The following ADCY1 variants were observed in gnomAD, a reference collection of about 807,000 sequenced individuals.
ADCY1 encodes the protein adenylate cyclase 1.
Under a neutral mutation model 105.4 loss-of-function variants are expected in ADCY1, and 28 were observed. That is an observed-to-expected ratio of 0.27 (90% CI 0.20 to 0.36). The LOEUF (loss-of-function observed/expected upper bound fraction) is 0.36. Ranked by LOEUF, ADCY1 falls within the 10% of genes least tolerant of loss-of-function variation. ADCY1 has a pLI of 1.00. For missense variants in ADCY1, 977 were observed against 1,434.2 expected (o/e 0.68, Z 5.15); for synonymous variants, 655 against 623.8 (o/e 1.05, Z -0.75).
chr7:45,661,725 C>T (rs1172117898), intron 7 of ADCY1, among the ~76,000 whole-genome samples: 1 of 152,194 alleles, frequency 6.6e-6, no homozygotes, highest in African/African-American at 2.4e-5. Flanking sequence ...AACGGGGTAA[C>T]AAAGACCTTC....
chr7:45,597,841 A>G (rs930615162), intron 2 of ADCY1, among the ~76,000 whole-genome samples: 1 of 152,202 alleles, frequency 6.6e-6, no homozygotes, highest in Admixed American at 6.5e-5. Flanking sequence ...TCATTGCACT[A>G]CTTCCTGTCT....
intron 14 of ADCY1, among the ~76,000 whole-genome samples, chr7:45,695,000 G>T (rs1784852734): frequency 6.6e-6 from 1 of 152,202 alleles, no homozygotes; most frequent in Non-Finnish European, 1.5e-5. Context: ...GTCCTCTCTG[G>T]TATTTTCCCT....
At chr7:45,707,084 A>T (rs997352417) in intron 17 of ADCY1, among the ~76,000 whole-genome samples, 1 of 152,224 alleles carries the variant, frequency 6.6e-6, no homozygotes, top group Non-Finnish European at 1.5e-5. Context: ...GGAGCAACAG[A>T]AACTCTCCTT....
Position 45,664,456 on chromosome 7 carries a change from TC to T in ADCY1, c.1605+2243del. On this transcript the variant is annotated intron_variant, in intron 8 of 19. Transcript: ENST00000297323. ...CATCAGCCCTTATCCCCCAGGGCAT[TC>T]ACGCCAGCTCTGTTCTTCTCTCAGC... 2.0e-6 allele frequency: 3 copies of T among 1,525,310 alleles called. No individual in the cohort carries two copies. The Middle Eastern group carries it at 5.9e-4, about 300-fold the overall frequency. 94.5% of individuals were successfully genotyped at this position (1,525,310 alleles called of 1,614,324 possible).
intron 1 of ADCY1, among the ~76,000 whole-genome samples, chr7:45,587,524 T>C (rs1792767448): frequency 6.6e-6 from 1 of 152,112 alleles, no homozygotes; most frequent in African/African-American, 2.4e-5. Context: ...GTCAGAGGAC[T>C]TGCAGGTTTG....
At chr7:45,648,323 A>C (rs1794719057) in intron 4 of ADCY1, among the ~76,000 whole-genome samples, 1 of 152,204 alleles carries the variant, frequency 6.6e-6, no homozygotes, top group South Asian at 2.1e-4. Flanking sequence ...GAATAAAGGG[A>C]GTTGGGGAAG....
intron 8 of ADCY1, chr7:45,664,502 C>A: frequency 7.1e-7 from 1 of 1,403,584 alleles, no homozygotes; most frequent in South Asian, 1.7e-5. Flanking sequence ...TGATCGTAAA[C>A]ATAATTGATT....
rs1362054547 is a variant in ADCY1, at chr7:45,706,510, A to AG, written c.2818-1840_2818-1839insG. Among the ~76,000 whole-genome samples, 20 of 148,998 alleles carry AG rather than the reference A, an allele frequency of 1.3e-4. No homozygotes were observed. In the East Asian group the frequency reaches 1.8e-3, roughly 13 times the overall value. The stretch of plus-strand genomic sequence containing the variant: ...TCACATGCAAAAAAAAAAAAAAAAA[A>AG]AAAGAATATAGATGCAGACTTTACA... On this transcript the variant is annotated intron_variant, in intron 17 of 19. Transcript: ENST00000297323.
chr7:45,675,080 A>AT (rs1784430866), intron 8 of ADCY1, among the ~76,000 whole-genome samples: 1 of 151,636 alleles, frequency 6.6e-6, no homozygotes, highest in Non-Finnish European at 1.5e-5. Flanking sequence ...TATTTAACTT[A>AT]TTTTTTGTTT....
At chr7:45,651,281 G>A in intron 5 of ADCY1, among the ~76,000 whole-genome samples, 1 of 152,032 alleles carries the variant, frequency 6.6e-6, no homozygotes. Flanking sequence ...CAGACCCTGG[G>A]ACCCACCAGT....
At chr7:45,610,730 G>A (rs1349317885) in intron 3 of ADCY1, among the ~76,000 whole-genome samples, 8 of 127,774 alleles carry the variant, frequency 6.3e-5, no homozygotes, top group South Asian at 5.4e-4. Context: ...GGAGGGGATA[G>A]TGGAGGTGGG....
rs1405241984 is a variant in ADCY1 at position 45,575,008 on chromosome 7, G to T, written c.465G>T (p.Gly155=). Reference sequence around the variant, plus strand: ...GGGGTTCCGCCGGGGCCGCTGGGGGGCCAGCGACCGCCGAACAAGGGGTTT... The same window carrying T: ...GGGGTTCCGCCGGGGCCGCTGGGGGTCCAGCGACCGCCGAACAAGGGGTTT... The part of the protein sequence containing the change: ...PARGSAGAAG[G]PATAEQGVWQ... The change falls in exon 1 of 20, where the codon GGG becomes GGT. Residue 155 remains glycine (G), a synonymous_variant. Transcript: ENST00000297323. The surrounding 1 kb of genome is among the most constrained non-coding windows in gnomAD (Gnocchi z 4.7). The T allele has an allele frequency of 6.8e-6, 11 of 1,611,468 alleles. No individual in the cohort carries two copies. Among genetic ancestry groups the T allele is most frequent in the East Asian group, 4.5e-5 (2 of 44,816 alleles).
intron 8 of ADCY1, among the ~76,000 whole-genome samples, chr7:45,668,753 C>G (rs1387390335): frequency 3.3e-5 from 5 of 152,212 alleles, no homozygotes; most frequent in Admixed American, 1.3e-4. Context: ...GTGAATCCGT[C>G]TAGTCCTGGA....
intron 3 of ADCY1, among the ~76,000 whole-genome samples, chr7:45,611,749 T>C (rs1793599418): frequency 1.3e-5 from 2 of 152,136 alleles, no homozygotes; most frequent in South Asian, 4.1e-4. Flanking sequence ...GGTTTGAGTG[T>C]TGCCTATTTG....
chr7:45,606,365 A>T (rs1793373639), intron 2 of ADCY1, among the ~76,000 whole-genome samples: 1 of 152,142 alleles, frequency 6.6e-6, no homozygotes, highest in Middle Eastern at 3.4e-3. Flanking sequence ...TCTGGCCTGG[A>T]GTAGGTAAGT....
intron 19 of ADCY1, among the ~76,000 whole-genome samples, chr7:45,711,790 A>AAT (rs1359934818): frequency 7.5e-6 from 1 of 133,508 alleles, no homozygotes; most frequent in Non-Finnish European, 1.6e-5. Flanking sequence ...ATGAAGTGTA[A>AAT]ATATATATAC....
At chr7:45,598,216 T>C (rs1221664190) in intron 2 of ADCY1, among the ~76,000 whole-genome samples, 1 of 152,178 alleles carries the variant, frequency 6.6e-6, no homozygotes, top group Non-Finnish European at 1.5e-5. Context: ...GAGCGAATAA[T>C]AGAGTCACCA....
intron 4 of ADCY1, among the ~76,000 whole-genome samples, chr7:45,632,013 A>ATT (rs561486999): frequency 2.0e-5 from 3 of 151,630 alleles, no homozygotes; most frequent in Non-Finnish European, 4.4e-5. Context: ...TCAAAGCTGG[A>ATT]TTTTTTTTTG....
intron 1 of ADCY1, among the ~76,000 whole-genome samples, chr7:45,582,750 A>G (rs1415013324): frequency 6.6e-6 from 1 of 152,080 alleles, no homozygotes; most frequent in Non-Finnish European, 1.5e-5. Context: ...GTATTTTGCT[A>G]AGGGGGTCCC....
Sources: allele counts gnomAD v4.1 joint callset (sites outside exome capture counted in the v4.1 genomes callset), GRCh38; gene constraint gnomAD v4.1.1; non-coding constraint Gnocchi (gnomAD v3.1); transcripts MANE v1.5; gene names NCBI Gene and HGNC (gene_info 2026-07-23, HGNC 2026-07-21).